The following STK11IP variants were observed in gnomAD, a reference collection of about 807,000 sequenced individuals.
STK11IP encodes the protein serine/threonine-protein kinase 11-interacting protein.
In STK11IP, 103 loss-of-function variants were observed where a neutral mutation model predicts 131.7. The observed-to-expected ratio is 0.78, with a 90% CI of 0.67 to 0.92. The LOEUF (loss-of-function observed/expected upper bound fraction) is 0.92. STK11IP is among the 40% of genes least tolerant of loss of function. STK11IP has a pLI of 0.00. For missense variants in STK11IP, 1,315 were observed against 1,385.7 expected (o/e 0.95, Z 0.81); for synonymous variants, 557 against 575.6 (o/e 0.97, Z 0.46).
intron 20 of STK11IP, 22 bp from the exon 21 acceptor site, chr2:219,613,730 G>C: frequency 2.5e-6 from 4 of 1,612,134 alleles, no homozygotes; most frequent in Non-Finnish European, 3.4e-6. Flanking sequence ...CTTCTCCATT[G>C]CTCTGTCCCC....
rs1284696769 is a variant in STK11IP, at chr2:219,598,185, G to A, written c.61+5G>A. 6.5e-7 allele frequency: 1 copy of A among 1,546,054 alleles called. No homozygotes were observed. Among genetic ancestry groups the A allele is most frequent in the South Asian group, 1.2e-5 (1 of 83,490 alleles). On this transcript the variant is annotated splice_donor_5th_base_variant and intron_variant, in intron 2 of 24. Coordinates refer to ENST00000456909, the MANE Select transcript of STK11IP (RefSeq NM_052902.4). ...CGGGGTTGCTGCGGGAGTCCGGTGA[G>A]TGGACTTCCGGTTGGGCTGGGCCTC... is the stretch of plus-strand genomic sequence containing the variant.
chr2:219,601,533 C>T (rs1559176292), intron 3 of STK11IP, 93 bp downstream of exon 3: 3 of 1,558,134 alleles, frequency 1.9e-6, no homozygotes, highest in South Asian at 1.2e-5. Context: ...TCTGCAGTGC[C>T]AGGATCCAGA....
chr2:219,602,132 G>A (rs776961783), intron 5 of STK11IP, 49 bp downstream of exon 5: 10 of 1,381,038 alleles, frequency 7.2e-6, no homozygotes, highest in Admixed American at 1.9e-5. Context: ...GAGAGATGTA[G>A]AAGACCAAGC....
At chr2:219,598,405 C>T (rs1697870837) in intron 2 of STK11IP, 1 of 471,764 alleles carries the variant, frequency 2.1e-6, no homozygotes, top group East Asian at 3.6e-5. Context: ...GTATCCCTCC[C>T]TCCGTGCCTT....
Position 219,602,540 on chromosome 2 carries a change from A to T in STK11IP, c.511A>T (p.Ser171Cys). 6.2e-7 allele frequency: 1 copy of T among 1,613,980 alleles called. No homozygotes were observed. The highest frequency in any genetic ancestry group is 8.5e-7 in the Non-Finnish European group (1 of 1,179,890). Residue 171 changes from serine to cysteine, a missense_variant, in exon 6 of 25, where the codon AGC (serine) becomes TGC (cysteine). By Grantham distance (112) the Ser-to-Cys change is moderately radical. Coordinates refer to ENST00000456909, the MANE Select transcript of STK11IP (RefSeq NM_052902.4). ...PWLALLSANF[S>C]YNALTALDSS... ...GCTGGCTCTGCTTTCTGCCAACTTC[A>T]GCTACAATGCACTGACCGCCTTAGA...
intron 8 of STK11IP, 46 bp from the exon 9 acceptor site, chr2:219,605,910 G>T (rs993003453): frequency 6.6e-7 from 1 of 1,524,508 alleles, no homozygotes; most frequent in Non-Finnish European, 8.9e-7. Context: ...ACTCACTTGC[G>T]TGTACTCATC....
rs574328211 is a variant in STK11IP, at chr2:219,613,677, A to C, written c.2538-75A>C. On this transcript the variant is annotated intron_variant, in intron 20 of 24. Coordinates refer to ENST00000456909, the MANE Select transcript of STK11IP (RefSeq NM_052902.4). ...GTGATGCAGTGAGTGAGGCAGGTGC[A>C]GCTGGGGCAGGGCCTCTCTGGGACT... 346 of 1,570,588 alleles carry C rather than the reference A, an allele frequency of 2.2e-4. 1 individual carries two copies. The South Asian group carries it at 3.6e-3, about 16-fold the overall frequency.
intron 19 of STK11IP, among the ~76,000 whole-genome samples, chr2:219,612,687 G>A (rs1698434860): frequency 6.6e-6 from 1 of 152,214 alleles, no homozygotes; most frequent in Non-Finnish European, 1.5e-5. Context: ...CCCAGGATGA[G>A]GGCACCTGGA....
intron 2 of STK11IP, chr2:219,598,439 G>A (rs1697871598): frequency 2.4e-6 from 1 of 423,288 alleles, no homozygotes; most frequent in Non-Finnish European, 4.2e-6. Flanking sequence ...AGAAGGAAGT[G>A]ATCATTACCT....
In STK11IP at chr2:219,606,509, G is replaced by T; in HGVS notation, c.979G>T (p.Asp327Tyr). 6.2e-7 allele frequency: 1 copy of T among 1,612,812 alleles called. No homozygotes were observed. Among genetic ancestry groups the T allele is most frequent in the Non-Finnish European group, 8.5e-7 (1 of 1,179,380 alleles). Residue 327 changes from aspartate (D) to tyrosine (Y), a missense_variant, in exon 11 of 25, where the codon GAT (aspartate) becomes TAT (tyrosine). By Grantham distance (160) the Asp-to-Tyr change is radical. Transcript: ENST00000456909. ...CGATGGCAAGGTCTTGTCACTGACA[G>T]ATTTTCAGGTCGGTGTGGTTGGGGG... ...LLDGKVLSLT[D>Y]FQTHTSLGLS...
At position 219,606,770 on chromosome 2, in the gene STK11IP, G is replaced by A. The variant is rs1343864862; in HGVS notation, c.1046G>A (p.Ser349Asn). The change falls in exon 12 of 25, where the codon AGT becomes AAT. Residue 349 changes from serine to asparagine, a missense_variant. Physicochemically the swap from Ser to Asn is conservative, Grantham distance 46. Transcript: ENST00000456909. ...CCACCTTTGCCCTGGCCAGTGGGGA[G>A]TACTCCTGAAACCTCAGGTGGCCCT... ...MGPPLPWPVGSTPETSGGPDL... is the reference protein window; with the variant it reads ...MGPPLPWPVGNTPETSGGPDL... 6.2e-7 allele frequency: 1 copy of A among 1,613,818 alleles called. No homozygotes were observed. Among genetic ancestry groups the A allele is most frequent in the Non-Finnish European group, 8.5e-7 (1 of 1,179,856 alleles).
In STK11IP at chr2:219,606,499, G is replaced by C. The variant is rs1574620098; in HGVS notation, c.969G>C (p.Leu323Phe). Reference sequence around the variant, plus strand: ...AGTTCCTTCTCGATGGCAAGGTCTTGTCACTGACAGATTTTCAGGTCGGTG... The same window carrying C: ...AGTTCCTTCTCGATGGCAAGGTCTTCTCACTGACAGATTTTCAGGTCGGTG... Reference protein sequence around the residue: ...ATGFLLDGKVLSLTDFQTHTS... With the variant: ...ATGFLLDGKVFSLTDFQTHTS... The change falls in exon 11 of 25, where the codon TTG (leucine) becomes TTC (phenylalanine). Residue 323 changes from leucine (L) to phenylalanine (F), a missense_variant. Leu to Phe is a conservative substitution (Grantham distance 22). Coordinates refer to ENST00000456909, the MANE Select transcript of STK11IP (RefSeq NM_052902.4). 4 of 1,612,754 alleles carry C rather than the reference G, an allele frequency of 2.5e-6. No individual in the cohort carries two copies. In the Admixed American group the frequency reaches 6.7e-5, roughly 27 times the overall value.
intron 21 of STK11IP, 71 bp downstream of exon 21, chr2:219,614,001 C>T: frequency 6.6e-7 from 1 of 1,506,494 alleles, no homozygotes; most frequent in South Asian, 1.3e-5. Flanking sequence ...AGGCTCCCCA[C>T]CTGGTACCCA....
chr2:219,602,197 GT>G, intron 5 of STK11IP, 114 bp downstream of exon 5: 1 of 779,800 alleles, frequency 1.3e-6, no homozygotes, highest in Admixed American at 2.1e-5. Context: ...CCTCTAGACA[GT>G]GTCCTCACTC....
rs1346220255 is a variant in STK11IP at position 219,613,850 on chromosome 2, AGT to A, written c.2638_2639del (p.Trp880GlyfsTer26). 1 of 1,611,594 alleles carries A rather than the reference AGT, an allele frequency of 6.2e-7. No individual in the cohort carries two copies. The highest frequency in any genetic ancestry group is 1.1e-5 in the South Asian group (1 of 91,064). ...CTGGCAGGCCAGAGCCTGCGGCTAG[AGT>A]GGGCAGCTGGGGCGGGCCGCTGTGT... On this transcript the variant is annotated frameshift_variant, in exon 21 of 25. Coordinates refer to ENST00000456909, the MANE Select transcript of STK11IP (RefSeq NM_052902.4). LOFTEE classifies it high-confidence loss of function.
intron 7 of STK11IP, 118 bp from the exon 8 acceptor site, chr2:219,605,490 T>C (rs1348545060): frequency 1.4e-5 from 13 of 928,988 alleles, no homozygotes; most frequent in Non-Finnish European, 1.8e-5. Flanking sequence ...TCATTTGTGC[T>C]GAGTGTGTGC....
At chr2:219,598,592 A>G (rs1199625976) in intron 2 of STK11IP, 1 of 164,786 alleles carries the variant, frequency 6.1e-6, no homozygotes, top group Non-Finnish European at 1.3e-5. Context: ...CAAACTTGCC[A>G]TACTGTTTCC....
At position 219,615,935 on chromosome 2, in the gene STK11IP, GA is replaced by G. The variant is rs58365530; in HGVS notation, c.3118-108del. 5,332 of 1,392,256 alleles carry G rather than the reference GA, an allele frequency of 3.8e-3. 153 individuals are homozygous for G. In the African/African-American group the frequency reaches 0.068, roughly 18 times the overall value. The allele number at this position is 1,392,256 out of a possible 1,614,324, so 86.2% of individuals were successfully genotyped here. A position where few individuals can be genotyped will look rare whatever the true frequency, so the allele number is the denominator to read the frequency against. On this transcript the variant is annotated intron_variant, in intron 24 of 24. Coordinates refer to ENST00000456909, the MANE Select transcript of STK11IP (RefSeq NM_052902.4). Reference sequence around the variant, plus strand: ...AGTGACATGGGCCTGGGGAAGGGGAGAGGCACTGAGCCAAGGTGGAGACAGT... The same window carrying G: ...AGTGACATGGGCCTGGGGAAGGGGAGGGCACTGAGCCAAGGTGGAGACAGT...
Position 219,614,187 on chromosome 2 carries a change from T to G in STK11IP, c.2743T>G (p.Trp915Gly). Residue 915 changes from tryptophan (W) to glycine (G), a missense_variant, in exon 22 of 25, where the codon TGG becomes GGG. Transcript: ENST00000456909. Reference protein sequence around the residue: ...LDVLQSLPPAWRNCVSATEEE... With the variant: ...LDVLQSLPPAGRNCVSATEEE... ...TGTCTTGCAGTCTCTGCCCCCTGCC[T>G]GGAGGAACTGTGTCAGTGCCACAGA... 6.2e-7 allele frequency: 1 copy of G among 1,613,482 alleles called. No homozygotes were observed.
Sources: allele counts gnomAD v4.1 joint callset (sites outside exome capture counted in the v4.1 genomes callset), GRCh38; gene constraint gnomAD v4.1.1; transcripts MANE v1.5; gene names NCBI Gene and HGNC (gene_info 2026-07-23, HGNC 2026-07-21).